CFAP299: variants seen among roughly 807,000 people sequenced by gnomAD.
CFAP299 encodes cilia and flagella associated protein 299.
Under a neutral mutation model 27.0 loss-of-function variants are expected in CFAP299, and 21 were observed. The observed-to-expected ratio is 0.78, with a 90% CI of 0.55 to 1.12. The LOEUF (loss-of-function observed/expected upper bound fraction) is 1.12, where lower values mean the gene tolerates loss of function less well. Among genes scored for constraint, CFAP299 ranks in the 50% most tolerant of loss-of-function variants. CFAP299 has a pLI of 0.00. For synonymous variants in CFAP299, 104 were observed against 98.1 expected, an observed-to-expected ratio of 1.06 and a Z score of -0.36; for missense variants, 310 against 276.6, an observed-to-expected ratio of 1.12 and a Z score of -0.86.
At chr4:80,637,251 A>C (rs1297195377) in intron 3 of CFAP299, among the ~76,000 whole-genome samples, 1 of 152,226 alleles carries the variant, frequency 6.6e-6, no homozygotes, top group Non-Finnish European at 1.5e-5. Context: ...TGCCAACAAA[A>C]TAGAGGGAAA....
At chr4:80,620,197 G>A (rs1738504001) in intron 3 of CFAP299, among the ~76,000 whole-genome samples, 1 of 152,132 alleles carries the variant, frequency 6.6e-6, no homozygotes, top group Non-Finnish European at 1.5e-5. Flanking sequence ...GAGCACAGTG[G>A]TCAAGTCTGT....
intron 3 of CFAP299, among the ~76,000 whole-genome samples, chr4:80,788,296 G>C (rs1727360119): frequency 6.6e-6 from 1 of 151,916 alleles, no homozygotes; most frequent in Non-Finnish European, 1.5e-5. Context: ...AGCCATCAAT[G>C]CTGAAAAATA....
chr4:80,483,752 A>G (rs1730680077), intron 2 of CFAP299, among the ~76,000 whole-genome samples: 1 of 152,164 alleles, frequency 6.6e-6, no homozygotes, highest in Non-Finnish European at 1.5e-5. Flanking sequence ...CATACCCTTG[A>G]AAATCAGAGA....
chr4:80,490,051 C>T (rs982979599), intron 2 of CFAP299, among the ~76,000 whole-genome samples: 1 of 152,122 alleles, frequency 6.6e-6, no homozygotes, highest in Non-Finnish European at 1.5e-5. Flanking sequence ...CCTGAGCCTG[C>T]GACAGGAGGC....
intron 2 of CFAP299, among the ~76,000 whole-genome samples, chr4:80,445,774 T>C (rs939503768): frequency 1.3e-5 from 2 of 152,234 alleles, no homozygotes; most frequent in African/African-American, 2.4e-5. Flanking sequence ...TCTGTGCTAC[T>C]AAAAGTTTAA....
chr4:80,669,880 G>GT (rs895020069), intron 3 of CFAP299, among the ~76,000 whole-genome samples: 2 of 150,804 alleles, frequency 1.3e-5, no homozygotes, highest in African/African-American at 2.4e-5. Flanking sequence ...CTCATTAAGG[G>GT]TTTTTTATTA....
At chr4:80,528,213 A>C (rs1733286454) in intron 2 of CFAP299, among the ~76,000 whole-genome samples, 1 of 152,018 alleles carries the variant, frequency 6.6e-6, no homozygotes, top group African/African-American at 2.4e-5. Context: ...AATCCTTATA[A>C]TTCTTCTAAC....
intron 3 of CFAP299, among the ~76,000 whole-genome samples, chr4:80,845,597 G>A (rs964520976): frequency 6.6e-6 from 1 of 152,114 alleles, no homozygotes; most frequent in South Asian, 2.1e-4. Context: ...TGCCTGGAAT[G>A]TTCTTCACGC....
chr4:80,710,334 A>G (rs1722069308), intron 3 of CFAP299, among the ~76,000 whole-genome samples: 2 of 152,126 alleles, frequency 1.3e-5, no homozygotes, highest in South Asian at 4.1e-4. Context: ...TCCAGAAAGG[A>G]TGCCAGAAAA....
Position 80,483,343 on chromosome 4 carries a change from A to G in CFAP299, c.243-99750A>G, listed in dbSNP as rs117493847. Among the ~76,000 whole-genome samples the G allele has an allele frequency of 3.9e-5, 6 of 152,372 alleles. No individual in the cohort carries two copies. In the East Asian group the frequency reaches 7.7e-4, roughly 20 times the overall value. On this transcript the variant is annotated intron_variant, in intron 2 of 5. Coordinates refer to ENST00000358105, the MANE Select transcript of CFAP299 (RefSeq NM_152770.3). ...ACCACTAAGTTGGTGGTAATTTATTATAATAGCAGGAGAAAACTAATAACA... is the reference window on the plus strand; with the variant it reads ...ACCACTAAGTTGGTGGTAATTTATTGTAATAGCAGGAGAAAACTAATAACA...
intron 3 of CFAP299, among the ~76,000 whole-genome samples, chr4:80,857,025 C>G (rs1343113433): frequency 6.6e-6 from 1 of 152,024 alleles, no homozygotes; most frequent in Non-Finnish European, 1.5e-5. Context: ...ATTGATTCTT[C>G]CTACCCATGA....
intron 3 of CFAP299, among the ~76,000 whole-genome samples, chr4:80,787,584 T>G (rs1397105675): frequency 6.6e-6 from 1 of 151,968 alleles, no homozygotes. Flanking sequence ...TAACCACGGT[T>G]AGTAACAGTT....
chr4:80,711,328 G>GAGCTGGAGCAGAC (rs1428268301), intron 3 of CFAP299, among the ~76,000 whole-genome samples: 1 of 152,160 alleles, frequency 6.6e-6, no homozygotes, highest in African/African-American at 2.4e-5. Flanking sequence ...AGGAGCCACA[G>GAGCTGGAGCAGAC]AGCTGGAGCA....
chr4:80,559,261 A>T (rs1372928886), intron 2 of CFAP299, among the ~76,000 whole-genome samples: 2 of 142,898 alleles, frequency 1.4e-5, no homozygotes, highest in African/African-American at 6.0e-5. Context: ...TTGCATGGTA[A>T]CTGGCTTTTC....
chr4:80,953,722 C>T (rs969523687), intron 5 of CFAP299, among the ~76,000 whole-genome samples: 4 of 151,314 alleles, frequency 2.6e-5, no homozygotes, highest in South Asian at 2.1e-4. Flanking sequence ...GTAAGCTACA[C>T]GAAAGAAAAA....
intron 1 of CFAP299, among the ~76,000 whole-genome samples, chr4:80,338,317 T>C (rs1192641589): frequency 6.6e-6 from 1 of 152,200 alleles, no homozygotes; most frequent in African/African-American, 2.4e-5. Flanking sequence ...AAAATCTATT[T>C]TCTTGACATT....
At chr4:80,745,520 G>A (rs549124533) in intron 3 of CFAP299, among the ~76,000 whole-genome samples, 1 of 151,966 alleles carries the variant, frequency 6.6e-6, no homozygotes, top group Non-Finnish European at 1.5e-5. Flanking sequence ...ACAAATTTCA[G>A]AGTAGTTTTT....
At chr4:80,800,590 T>C (rs1309390669) in intron 3 of CFAP299, among the ~76,000 whole-genome samples, 2 of 91,960 alleles carry the variant, frequency 2.2e-5, no homozygotes, top group Non-Finnish European at 3.8e-5. Context: ...ATATAATATA[T>C]AATATATTAA....
chr4:80,939,988 G>A (rs1026016650), intron 4 of CFAP299, among the ~76,000 whole-genome samples: 1 of 152,118 alleles, frequency 6.6e-6, no homozygotes, highest in African/African-American at 2.4e-5. Context: ...ATTTAATCTT[G>A]TATACCTTTT....
Sources: allele counts gnomAD v4.1 joint callset (sites outside exome capture counted in the v4.1 genomes callset), GRCh38; gene constraint gnomAD v4.1.1; transcripts MANE v1.5; gene names NCBI Gene and HGNC (gene_info 2026-07-23, HGNC 2026-07-21).